Variants in SH2D6 observed in about 807,000 individuals in gnomAD.
SH2D6 encodes SH2 domain-containing protein 6.
A neutral mutation model predicts 30.2 loss-of-function variants in SH2D6; 31 were observed. That is an observed-to-expected ratio of 1.03 (90% confidence interval 0.77 to 1.38). The LOEUF (loss-of-function observed/expected upper bound fraction) is 1.38. SH2D6 is among the 40% of genes most tolerant of loss of function. The pLI, the probability that SH2D6 is intolerant of heterozygous loss-of-function variation, is 0.00. For missense variants in SH2D6, 240 were observed against 266.8 expected, an observed-to-expected ratio of 0.90 and a Z score of 0.70; for synonymous variants, 93 against 104.6, an observed-to-expected ratio of 0.89 and a Z score of 0.68.
intron 13 of SH2D6, among the ~76,000 whole-genome samples, chr2:85,431,585 C>T (rs1267987544): frequency 1.3e-5 from 2 of 152,166 alleles, no homozygotes; most frequent in Non-Finnish European, 1.5e-5. Flanking sequence ...GACCCCTCCC[C>T]ACCTCCAGAG....
At chr2:85,431,868 TCTGCGCTCA>T (rs1427887091) in intron 13 of SH2D6, 22 bp from the exon 14 acceptor site, 4 of 152,712 alleles carry the variant, frequency 2.6e-5, no homozygotes, top group Non-Finnish European at 2.9e-5. Context: ...GCTCTCACCA[TCTGCGCTCA>T]CCAGCCCCAC....
At chr2:85,435,333 T>G (rs1689309137) in intron 20 of SH2D6, 80 bp from the exon 21 acceptor site, 1 of 1,484,180 alleles carries the variant, frequency 6.7e-7, no homozygotes, top group Non-Finnish European at 9.3e-7. Context: ...GGAACATAAA[T>G]AACTGCACCC....
chr2:85,424,440 A>AT (rs1192415343), intron 5 of SH2D6, among the ~76,000 whole-genome samples: 9 of 151,798 alleles, frequency 5.9e-5, no homozygotes, highest in Non-Finnish European at 1.3e-4. Context: ...ATATTGATGG[A>AT]TTTTTTTAAA....
At chr2:85,424,040 T>C (rs1687861650) in intron 5 of SH2D6, among the ~76,000 whole-genome samples, 1 of 152,170 alleles carries the variant, frequency 6.6e-6, no homozygotes, top group Non-Finnish European at 1.5e-5. Flanking sequence ...GTCCCCCTGT[T>C]TCCAGGCTGG....
chr2:85,436,666 C>G, intron 23 of SH2D6, 72 bp downstream of exon 23: 1 of 1,099,836 alleles, frequency 9.1e-7, no homozygotes, highest in Non-Finnish European at 1.4e-6. Context: ...CTCTCCTTCC[C>G]CACCCCTCCT....
intron 6 of SH2D6, among the ~76,000 whole-genome samples, chr2:85,428,293 G>C (rs1411657729): frequency 2.0e-5 from 3 of 152,166 alleles, no homozygotes; most frequent in Non-Finnish European, 4.4e-5. Context: ...TTAGCCTTTA[G>C]GGCACAGGCT....
chr2:85,420,271 T>C (rs1023824191), intron 2 of SH2D6, among the ~76,000 whole-genome samples: 2 of 152,086 alleles, frequency 1.3e-5, no homozygotes, highest in African/African-American at 4.8e-5. Context: ...AGGCGCACAC[T>C]ACCACGCCTG....
chr2:85,433,991 C>G (rs1689081697), intron 16 of SH2D6, 42 bp from the exon 17 acceptor site: 1 of 1,503,520 alleles, frequency 6.7e-7, no homozygotes, highest in African/African-American at 1.4e-5. Context: ...GGATTCCCTG[C>G]CTGGTGCTCA....
intron 7 of SH2D6, among the ~76,000 whole-genome samples, chr2:85,429,103 G>C (rs1558755222): frequency 6.6e-6 from 1 of 152,232 alleles, no homozygotes; most frequent in African/African-American, 2.4e-5. Flanking sequence ...TGTCTGCAAG[G>C]CCAGCATGCT....
Position 85,429,623 on chromosome 2 carries a change from G to A in SH2D6, c.29+11G>A, listed in dbSNP as rs1045612088. 6.6e-6 allele frequency: 1 copy of A among 152,642 alleles called. No homozygotes were observed. The highest frequency in any genetic ancestry group is 2.4e-5 in the African/African-American group (1 of 41,338). The allele number at this position is 152,642 out of a possible 1,614,324, so 9.5% of individuals were successfully genotyped here. A position where few individuals can be genotyped will look rare whatever the true frequency, so the allele number is the denominator to read the frequency against. On this transcript the variant is annotated intron_variant, in intron 9 of 23. Coordinates refer to ENST00000469800, the MANE Select transcript of SH2D6 (RefSeq NM_001394463.1). ...TGGGAGCAGGCCCCGGTGAGTACTGGGACTCCTCTCTCCCCTGCCCTCCCC... is the reference window on the plus strand; with the variant it reads ...TGGGAGCAGGCCCCGGTGAGTACTGAGACTCCTCTCTCCCCTGCCCTCCCC...
At position 85,419,059 on chromosome 2, in the gene SH2D6, G is replaced by C. The variant is rs1470915351; in HGVS notation, c.-762G>C. The C allele has an allele frequency of 6.6e-6, 1 of 152,466 alleles. No individual in the cohort carries two copies. Among genetic ancestry groups the C allele is most frequent in the African/African-American group, 2.4e-5 (1 of 41,480 alleles). 9.4% of individuals were successfully genotyped at this position (152,466 alleles called of 1,614,324 possible). On this transcript the variant is annotated 5_prime_UTR_variant, in exon 2 of 24. Coordinates refer to ENST00000469800, the MANE Select transcript of SH2D6 (RefSeq NM_001394463.1). ...ACTCCCATTCCTGGAAGGAGGAGCAGCCCAGACCCTGAGACTGGACTAGGT... is the reference window on the plus strand; with the variant it reads ...ACTCCCATTCCTGGAAGGAGGAGCACCCCAGACCCTGAGACTGGACTAGGT...
rs761872498 is a variant in SH2D6 at position 85,422,462 on chromosome 2, C to T, written c.-432C>T. The T allele has an allele frequency of 6.6e-6, 1 of 152,220 alleles. No homozygotes were observed. Among genetic ancestry groups the T allele is most frequent in the Non-Finnish European group, 1.5e-5 (1 of 68,068 alleles). The allele number at this position is 152,220 out of a possible 1,614,324, so 9.4% of individuals were successfully genotyped here. On this transcript the variant is annotated 5_prime_UTR_variant, in exon 4 of 24. Coordinates refer to ENST00000469800, the MANE Select transcript of SH2D6 (RefSeq NM_001394463.1). The stretch of plus-strand genomic sequence containing the variant: ...GACACAGAATGGTCTGCCTGGGCCT[C>T]AGTCACATTGGAGGAGCAGAGAGAG...
chr2:85,431,156 G>GGGA (rs142755099), intron 12 of SH2D6, 54 bp from the exon 13 acceptor site: 1 of 152,000 alleles, frequency 6.6e-6, no homozygotes, highest in African/African-American at 2.4e-5. Flanking sequence ...GGAGGAAAAT[G>GGGA]GGAACCCACC....
At chr2:85,423,752 C>A (rs1324518686) in intron 5 of SH2D6, among the ~76,000 whole-genome samples, 1 of 152,226 alleles carries the variant, frequency 6.6e-6, no homozygotes, top group Non-Finnish European at 1.5e-5. Context: ...CAGCAGCAGG[C>A]GAGGGAGGAA....
chr2:85,431,372 C>G (rs1484689666), intron 13 of SH2D6, 104 bp downstream of exon 13: 6 of 152,538 alleles, frequency 3.9e-5, no homozygotes, highest in Non-Finnish European at 1.5e-5. Flanking sequence ...AAGATTCCCC[C>G]ACATTTGCAT....
In SH2D6 at chr2:85,430,078, C is replaced by G. The variant is rs564701498; in HGVS notation, c.64+63C>G. On this transcript the variant is annotated intron_variant, in intron 10 of 23. Coordinates refer to ENST00000469800, the MANE Select transcript of SH2D6 (RefSeq NM_001394463.1). This position sits in a 1 kb window ranked among gnomAD's most constrained non-coding sequence, Gnocchi z 4.3. The stretch of plus-strand genomic sequence containing the variant: ...GGGATCCCTTGCAAGTCAGGTCCCC[C>G]CTGAGTGACTCTGCACACCTCCTGC... 240 of 152,676 alleles carry G rather than the reference C, an allele frequency of 1.6e-3. No individual in the cohort carries two copies. Among genetic ancestry groups the G allele is most frequent in the Non-Finnish European group, 2.8e-3 (189 of 68,116 alleles). 9.5% of individuals were successfully genotyped at this position (152,676 alleles called of 1,614,324 possible). A position where few individuals can be genotyped will look rare whatever the true frequency, so the allele number is the denominator to read the frequency against.
Position 85,435,014 on chromosome 2 carries a change from C to T in SH2D6, c.590-51C>T, listed in dbSNP as rs769042639. The T allele has an allele frequency of 3.9e-5, 59 of 1,517,112 alleles. No individual in the cohort carries two copies. Among genetic ancestry groups the T allele is most frequent in the Admixed American group, 2.0e-4 (9 of 45,460 alleles). 94.0% of individuals were successfully genotyped at this position (1,517,112 alleles called of 1,614,324 possible). On this transcript the variant is annotated intron_variant, in intron 19 of 23. Transcript: ENST00000469800. ...CTGTCCCCTAGAAGCCACCTTTGCC[C>T]ACCCCCACCCCACCCCACCCCACCC...
chr2:85,434,978 C>A, intron 19 of SH2D6, 87 bp from the exon 20 acceptor site: 3 of 1,574,418 alleles, frequency 1.9e-6, no homozygotes, highest in Non-Finnish European at 2.6e-6. Flanking sequence ...TCCTACCCCC[C>A]ACCCCCGCAG....
At chr2:85,428,484 T>C (rs1688250898) in intron 6 of SH2D6, 100 bp from the exon 7 acceptor site, 2 of 151,470 alleles carry the variant, frequency 1.3e-5, no homozygotes, top group African/African-American at 4.9e-5. Flanking sequence ...TTTAGGGAGG[T>C]CATTAAGAAT....
Sources: allele counts gnomAD v4.1 joint callset (sites outside exome capture counted in the v4.1 genomes callset), GRCh38; gene constraint gnomAD v4.1.1; non-coding constraint Gnocchi (gnomAD v3.1); transcripts MANE v1.5; gene names NCBI Gene and HGNC (gene_info 2026-07-23, HGNC 2026-07-21).